Variants in ACKR3 observed in about 807,000 individuals in gnomAD.
ACKR3 encodes the protein C-X-C chemokine receptor type 7.
In ACKR3, 6 loss-of-function variants were observed where a neutral mutation model predicts 22.4. That is an observed-to-expected ratio of 0.27 (90% CI 0.15 to 0.53). The LOEUF (loss-of-function observed/expected upper bound fraction) is 0.53, where lower values mean the gene tolerates loss of function less well. Among genes scored for constraint, ACKR3 ranks in the 20% least tolerant of loss-of-function variants. The pLI is 0.96. For missense variants in ACKR3, 396 were observed against 475.2 expected (o/e 0.83, Z 1.55); for synonymous variants, 209 against 205.2 (o/e 1.02, Z -0.16).
the ACKR3 span, among the ~76,000 whole-genome samples, chr2:236,544,551 C>G: frequency 0.22 from 33,982 of 152,014 alleles, 5,355 homozygotes; most frequent in African/African-American, 0.45. The surrounding 1 kb of genome is among the most constrained non-coding windows in gnomAD (Gnocchi z 5.0). Context: ...GCTGAGGGCT[C>G]GTAGCTTGGG....
chr2:236,552,303 T>C, the ACKR3 span, among the ~76,000 whole-genome samples: 1 of 152,150 alleles, frequency 6.6e-6, no homozygotes, highest in Non-Finnish European at 1.5e-5. Flanking sequence ...GGACAGATGC[T>C]GGGGAGAGAA....
At chr2:236,565,981 CA>C (rs1184795413), upstream of ACKR3, among the ~76,000 whole-genome samples, 1 of 152,220 alleles carries the variant, frequency 6.6e-6, no homozygotes, top group Non-Finnish European at 1.5e-5. Context: ...GCCTCGTCCT[CA>C]GGCCAGCGGC....
the ACKR3 span, among the ~76,000 whole-genome samples, chr2:236,544,126 A>G: frequency 6.6e-6 from 1 of 151,030 alleles, no homozygotes; most frequent in African/African-American, 2.4e-5. The surrounding 1 kb of genome is among the most constrained non-coding windows in gnomAD (Gnocchi z 5.0). Context: ...AGTAGCTGGA[A>G]CTACAGGTGC....
chr2:236,557,254 G>GTA, the ACKR3 span, among the ~76,000 whole-genome samples: 3 of 126,458 alleles, frequency 2.4e-5, no homozygotes, highest in East Asian at 6.5e-4. Flanking sequence ...TCATGTGAAC[G>GTA]TATGTGTGTG....
At chr2:236,575,046 A>G (rs1418645468) in intron 1 of ACKR3, among the ~76,000 whole-genome samples, 1 of 151,994 alleles carries the variant, frequency 6.6e-6, no homozygotes, top group African/African-American at 2.4e-5. Context: ...GATAAAACAG[A>G]GCAAGCGCTG....
At chr2:236,545,477 T>A in the ACKR3 span, among the ~76,000 whole-genome samples, 1 of 152,232 alleles carries the variant, frequency 6.6e-6, no homozygotes, top group Non-Finnish European at 1.5e-5. The surrounding 1 kb of genome is among the most constrained non-coding windows in gnomAD (Gnocchi z 5.3). Flanking sequence ...GAAAGACACA[T>A]GCTACACCCC....
the ACKR3 span, among the ~76,000 whole-genome samples, chr2:236,560,353 A>G: frequency 7.9e-6 from 1 of 127,122 alleles, no homozygotes. Flanking sequence ...CCATCCTGAT[A>G]GGTGTGAGGT....
chr2:236,537,428 G>A, the ACKR3 span, among the ~76,000 whole-genome samples: 3 of 152,174 alleles, frequency 2.0e-5, no homozygotes, highest in African/African-American at 7.2e-5. Context: ...TCAGCCTCTC[G>A]AATGGCCTGT....
chr2:236,548,426 A>G, the ACKR3 span, among the ~76,000 whole-genome samples: 1 of 152,174 alleles, frequency 6.6e-6, no homozygotes, highest in Admixed American at 6.5e-5. The surrounding 1 kb of genome is among the most constrained non-coding windows in gnomAD (Gnocchi z 4.3). Flanking sequence ...ACCCACATAA[A>G]GTCTGGTATG....
chr2:236,572,822 G>A (rs1559471527), intron 1 of ACKR3, among the ~76,000 whole-genome samples: 4 of 152,234 alleles, frequency 2.6e-5, no homozygotes, highest in Admixed American at 2.6e-4. Context: ...AATCCTTAAA[G>A]TGGACGAGGG....
upstream of ACKR3, among the ~76,000 whole-genome samples, chr2:236,568,804 GAA>G (rs1691244264): frequency 2.0e-5 from 3 of 152,236 alleles, no homozygotes; most frequent in South Asian, 6.2e-4. Context: ...AAAGAATCTC[GAA>G]AAGTTTTAGC....
the ACKR3 span, among the ~76,000 whole-genome samples, chr2:236,560,745 A>G: frequency 6.6e-6 from 1 of 152,228 alleles, no homozygotes; most frequent in Non-Finnish European, 1.5e-5. Context: ...TGCCAAAATC[A>G]ATGTCATGAA....
the ACKR3 span, among the ~76,000 whole-genome samples, chr2:236,561,892 A>G: frequency 1.3e-5 from 2 of 152,260 alleles, no homozygotes; most frequent in African/African-American, 4.8e-5. Flanking sequence ...GATTTGCTGC[A>G]TAAATAATCC....
Position 236,577,456 on chromosome 2 carries a change from G to T in ACKR3, c.-26-2984G>T, listed in dbSNP as rs1189601063. The stretch of plus-strand genomic sequence containing the variant: ...CTTTTCCACCTCTCAGTCCCACTCT[G>T]GGCTCTGAGAATACTGAAGGCTGCT... On this transcript the variant is annotated intron_variant, in intron 1 of 1. Transcript: ENST00000272928. The surrounding 1 kb of genome is among the most constrained non-coding windows in gnomAD (Gnocchi z 5.6). Among the ~76,000 whole-genome samples the T allele has an allele frequency of 6.6e-6, 1 of 152,146 alleles. No homozygotes were observed. Among genetic ancestry groups the T allele is most frequent in the East Asian group, 1.9e-4 (1 of 5,182 alleles).
chr2:236,539,306 C>CT, the ACKR3 span, among the ~76,000 whole-genome samples: 3,649 of 120,684 alleles, frequency 0.03, 69 homozygotes, highest in African/African-American at 0.054. Flanking sequence ...TTTTTCTTTT[C>CT]TTTTTTTTTT....
chr2:236,558,537 TGAAG>T, the ACKR3 span, among the ~76,000 whole-genome samples: 2 of 152,302 alleles, frequency 1.3e-5, no homozygotes, highest in Middle Eastern at 3.4e-3. Flanking sequence ...TCTGGGAACT[TGAAG>T]GAAGGAAAGT....
chr2:236,580,340 T>C (rs1201252438), intron 1 of ACKR3, 100 bp from the exon 2 acceptor site: 2 of 1,288,476 alleles, frequency 1.6e-6, no homozygotes, highest in Admixed American at 2.4e-5. Flanking sequence ...CAGCTGAGCC[T>C]ATCAGGGCCT....
upstream of ACKR3, among the ~76,000 whole-genome samples, chr2:236,568,438 G>A (rs1691234850): frequency 6.6e-6 from 1 of 152,218 alleles, no homozygotes; most frequent in Non-Finnish European, 1.5e-5. Flanking sequence ...GCAGCCGCTG[G>A]CAGTTTTCCT....
chr2:236,567,319 G>A (rs1338867962), upstream of ACKR3, among the ~76,000 whole-genome samples: 2 of 152,218 alleles, frequency 1.3e-5, no homozygotes, highest in East Asian at 3.9e-4. Context: ...TTCTGTATGA[G>A]GGCTCCCATG....
Sources: allele counts gnomAD v4.1 joint callset (sites outside exome capture counted in the v4.1 genomes callset), GRCh38; gene constraint gnomAD v4.1.1; non-coding constraint Gnocchi (gnomAD v3.1); transcripts MANE v1.5; gene names NCBI Gene and HGNC (gene_info 2026-07-23, HGNC 2026-07-21).